The following BMAL2 variants were observed in gnomAD, a reference collection of about 807,000 sequenced individuals.
BMAL2 encodes basic helix-loop-helix ARNT-like protein 2.
chr12:27,411,709 T>A, the BMAL2 span, among the ~76,000 whole-genome samples: 1 of 152,334 alleles, frequency 6.6e-6, no homozygotes, highest in East Asian at 1.9e-4. Context: ...GTTGCTGTTG[T>A]TGAGTTGGGA....
At chr12:27,382,263 A>C in the BMAL2 span, among the ~76,000 whole-genome samples, 3 of 152,230 alleles carry the variant, frequency 2.0e-5, no homozygotes, top group African/African-American at 7.2e-5. Flanking sequence ...TAAGGGAGGA[A>C]GACCTAAGGG....
At chr12:27,404,344 C>T in the BMAL2 span, among the ~76,000 whole-genome samples, 1 of 151,680 alleles carries the variant, frequency 6.6e-6, no homozygotes. Flanking sequence ...GCTACAACCA[C>T]TAAAACATTT....
chr12:27,387,207 C>G, the BMAL2 span: 1 of 1,518,912 alleles, frequency 6.6e-7, no homozygotes, highest in Non-Finnish European at 9.1e-7. Context: ...TTAAAATATT[C>G]ACTTTTTTTT....
At chr12:27,363,454 T>G in the BMAL2 span, among the ~76,000 whole-genome samples, 1 of 152,196 alleles carries the variant, frequency 6.6e-6, no homozygotes, top group Admixed American at 6.5e-5. Context: ...CATGAGCGTT[T>G]CCATTGCTCC....
chr12:27,384,981 A>G, the BMAL2 span, among the ~76,000 whole-genome samples: 1 of 152,330 alleles, frequency 6.6e-6, no homozygotes, highest in African/African-American at 2.4e-5. Context: ...AGAATTCACA[A>G]TCTAAAAGAA....
chr12:27,370,316 T>C, the BMAL2 span: 1 of 973,458 alleles, frequency 1.0e-6, no homozygotes, highest in Non-Finnish European at 1.6e-6. Context: ...CACGTCCCAC[T>C]GATTTGCTCA....
the BMAL2 span, among the ~76,000 whole-genome samples, chr12:27,334,847 T>TA: frequency 2.6e-5 from 4 of 152,356 alleles, no homozygotes; most frequent in Non-Finnish European, 4.4e-5. Context: ...CTGTTAGTCT[T>TA]ACAACAGCGT....
the BMAL2 span, among the ~76,000 whole-genome samples, chr12:27,401,989 A>G: frequency 6.6e-6 from 1 of 152,160 alleles, no homozygotes; most frequent in East Asian, 1.9e-4. Context: ...TCTACTGTGC[A>G]TTATTGTAAG....
chr12:27,409,319 G>A, the BMAL2 span, among the ~76,000 whole-genome samples: 1 of 152,158 alleles, frequency 6.6e-6, no homozygotes, highest in Non-Finnish European at 1.5e-5. Flanking sequence ...AAAGCTGGAG[G>A]CATCATGCTA....
At chr12:27,385,178 G>A in the BMAL2 span, among the ~76,000 whole-genome samples, 1 of 152,166 alleles carries the variant, frequency 6.6e-6, no homozygotes, top group Non-Finnish European at 1.5e-5. Context: ...GCTGGGCGTG[G>A]TGGCATGCGC....
At chr12:27,386,361 A>AG in the BMAL2 span, among the ~76,000 whole-genome samples, 2 of 152,200 alleles carry the variant, frequency 1.3e-5, no homozygotes, top group Non-Finnish European at 2.9e-5. Flanking sequence ...ATGCCCAGCA[A>AG]GAGTGCCAGA....
the BMAL2 span, among the ~76,000 whole-genome samples, chr12:27,409,104 C>G: frequency 2.0e-5 from 3 of 152,106 alleles, no homozygotes; most frequent in African/African-American, 7.2e-5. Flanking sequence ...AGGATACAAA[C>G]AAATGGAAGA....
the BMAL2 span, among the ~76,000 whole-genome samples, chr12:27,401,080 C>G: frequency 6.6e-6 from 1 of 152,102 alleles, no homozygotes; most frequent in Non-Finnish European, 1.5e-5. Flanking sequence ...GGTGCCTGTT[C>G]TGTGTTGCAG....
chr12:27,390,278 A>G, the BMAL2 span: 1 of 1,587,376 alleles, frequency 6.3e-7, no homozygotes, highest in Non-Finnish European at 8.6e-7. Context: ...AAGCATGGCT[A>G]TAAAATTAAT....
At chr12:27,333,262 C>G in the BMAL2 span, 4 of 726,350 alleles carry the variant, frequency 5.5e-6, no homozygotes, top group Middle Eastern at 4.9e-4. Flanking sequence ...GGCGGTGGGA[C>G]AAGGCCGCCC....
chr12:27,393,410 A>G, the BMAL2 span, among the ~76,000 whole-genome samples: 1 of 152,200 alleles, frequency 6.6e-6, no homozygotes, highest in Non-Finnish European at 1.5e-5. Flanking sequence ...AAGAATGTGC[A>G]TTTCTAGCAA....
At chr12:27,387,173 T>C in the BMAL2 span, 1 of 1,132,082 alleles carries the variant, frequency 8.8e-7, no homozygotes. Flanking sequence ...TGTGTGTGCG[T>C]GTGTATAAGA....
At chr12:27,365,400 T>C in the BMAL2 span, among the ~76,000 whole-genome samples, 1 of 152,098 alleles carries the variant, frequency 6.6e-6, no homozygotes. Context: ...GATTTTTGTA[T>C]TTTTGTTTGT....
chr12:27,354,717 C>T, the BMAL2 span, among the ~76,000 whole-genome samples: 3 of 152,154 alleles, frequency 2.0e-5, no homozygotes, highest in South Asian at 4.1e-4. Context: ...TGGTATCTTA[C>T]TAGGTATCTG....
Sources: allele counts gnomAD v4.1 joint callset (sites outside exome capture counted in the v4.1 genomes callset), GRCh38; gene constraint gnomAD v4.1.1; transcripts MANE v1.5; gene names NCBI Gene and HGNC (gene_info 2026-07-23, HGNC 2026-07-21).